SNTG1: variants seen among roughly 807,000 people sequenced by gnomAD.
SNTG1 encodes syntrophin gamma 1, also known as gamma-1-syntrophin.
In SNTG1, 39 loss-of-function variants were observed where a neutral mutation model predicts 74.7. The observed-to-expected ratio is 0.52, with a 90% CI of 0.40 to 0.68. The LOEUF (loss-of-function observed/expected upper bound fraction) is 0.68. Among genes scored for constraint, SNTG1 ranks in the 30% least tolerant of loss-of-function variants. The probability of loss-of-function intolerance (pLI) is 0.00; values close to 1 mark genes in which losing one functional copy is unlikely to be tolerated. For missense variants in SNTG1, 685 were observed against 609.5 expected, an observed-to-expected ratio of 1.12 and a Z score of -1.30; for synonymous variants, 254 against 217.1, an observed-to-expected ratio of 1.17 and a Z score of -1.49.
At chr8:49,958,699 G>A (rs764165243) in intron 1 of SNTG1, among the ~76,000 whole-genome samples, 14 of 152,176 alleles carry the variant, frequency 9.2e-5, no homozygotes, top group South Asian at 2.1e-4. Context: ...GATTACAGGC[G>A]TGAGCCACTA....
intron 2 of SNTG1, among the ~76,000 whole-genome samples, chr8:50,250,321 T>C (rs1474554748): frequency 1.3e-5 from 2 of 151,964 alleles, no homozygotes; most frequent in Non-Finnish European, 2.9e-5. Context: ...GCCTATGTGA[T>C]ATATGGGACT....
At chr8:50,432,767 A>G (rs2093252812) in intron 4 of SNTG1, among the ~76,000 whole-genome samples, 1 of 151,574 alleles carries the variant, frequency 6.6e-6, no homozygotes, top group African/African-American at 2.4e-5. Context: ...TTTATTTTTT[A>G]TTTACATTTT....
chr8:50,181,333 A>T (rs1336548598), intron 2 of SNTG1, among the ~76,000 whole-genome samples: 1 of 152,150 alleles, frequency 6.6e-6, no homozygotes, highest in African/African-American at 2.4e-5. Flanking sequence ...TATTTTCCTA[A>T]TGGAGTTTAT....
At chr8:50,624,175 G>C (rs2094941674) in intron 13 of SNTG1, among the ~76,000 whole-genome samples, 3 of 151,818 alleles carry the variant, frequency 2.0e-5, no homozygotes, top group Admixed American at 6.6e-5. Flanking sequence ...ATATCACAAA[G>C]CTCCTAAAGA....
At chr8:50,422,322 G>C (rs1431108217) in intron 4 of SNTG1, among the ~76,000 whole-genome samples, 1 of 56,326 alleles carries the variant, frequency 1.8e-5, no homozygotes, top group East Asian at 6.7e-4. Context: ...GATTGACCAA[G>C]TAGACAAAAA....
chr8:50,228,094 G>A (rs1330657957), intron 2 of SNTG1, among the ~76,000 whole-genome samples: 1 of 151,610 alleles, frequency 6.6e-6, no homozygotes, highest in Non-Finnish European at 1.5e-5. Context: ...TAGACAGAAG[G>A]TTAATGAAAG....
intron 1 of SNTG1, among the ~76,000 whole-genome samples, chr8:50,075,301 C>T (rs1821755478): frequency 6.6e-6 from 1 of 152,166 alleles, no homozygotes; most frequent in Admixed American, 6.5e-5. Flanking sequence ...ATCCACTAGG[C>T]AAAGCCAGCA....
chr8:50,771,422 A>G (rs2095626852), intron 18 of SNTG1, among the ~76,000 whole-genome samples: 1 of 152,180 alleles, frequency 6.6e-6, no homozygotes, highest in South Asian at 2.1e-4. Flanking sequence ...AACTTCAGGT[A>G]GTAAAGCATT....
At chr8:50,303,910 T>G (rs1056177558) in intron 2 of SNTG1, among the ~76,000 whole-genome samples, 2 of 148,380 alleles carry the variant, frequency 1.3e-5, no homozygotes, top group African/African-American at 4.9e-5. Flanking sequence ...ATTGCCAAGC[T>G]GCTTTCTTCT....
chr8:50,203,979 T>C (rs2084095991), intron 2 of SNTG1, among the ~76,000 whole-genome samples: 2 of 152,118 alleles, frequency 1.3e-5, no homozygotes, highest in Non-Finnish European at 2.9e-5. Flanking sequence ...AACTCTGCTT[T>C]TGTGACCTGT....
At chr8:50,286,702 A>C (rs922865140) in intron 2 of SNTG1, 2 of 152,138 alleles carry the variant, frequency 1.3e-5, no homozygotes, top group African/African-American at 2.4e-5. Flanking sequence ...ACTATGTTAA[A>C]ATTCTGTTGT....
At chr8:49,947,029 G>C (rs1809251903) in intron 1 of SNTG1, among the ~76,000 whole-genome samples, 1 of 152,196 alleles carries the variant, frequency 6.6e-6, no homozygotes, top group South Asian at 2.1e-4. Context: ...GCCAAGTGTG[G>C]TGGCTCATGC....
chr8:50,219,630 G>A (rs1025901466), intron 2 of SNTG1, among the ~76,000 whole-genome samples: 7 of 152,076 alleles, frequency 4.6e-5, no homozygotes, highest in South Asian at 2.1e-4. Flanking sequence ...AGAGAGAAAC[G>A]GGATGTGCTA....
intron 18 of SNTG1, among the ~76,000 whole-genome samples, chr8:50,786,093 G>A (rs775913777): frequency 5.3e-5 from 8 of 152,064 alleles, no homozygotes; most frequent in Admixed American, 1.3e-4. Context: ...GCCAAGGATA[G>A]ATGATACAAA....
At chr8:50,754,301 A>C (rs2095574808) in intron 18 of SNTG1, among the ~76,000 whole-genome samples, 1 of 151,960 alleles carries the variant, frequency 6.6e-6, no homozygotes, top group Non-Finnish European at 1.5e-5. Flanking sequence ...TATAGATAAC[A>C]TTTTATATCC....
intron 13 of SNTG1, among the ~76,000 whole-genome samples, chr8:50,625,390 A>C (rs2094949833): frequency 6.6e-6 from 1 of 152,226 alleles, no homozygotes; most frequent in Admixed American, 6.5e-5. Flanking sequence ...TGCTGTCAGC[A>C]GTTCTGATGA....
rs34349683 is a variant in SNTG1 at position 50,714,058 on chromosome 8, CAA to C, written c.1284+5098_1284+5099del. Among the ~76,000 whole-genome samples the C allele has an allele frequency of 3.4e-3, 356 of 104,892 alleles. 1 individual carries two copies. The highest frequency in any genetic ancestry group is 9.5e-3 in the Middle Eastern group (2 of 210). 68.8% of individuals were successfully genotyped at this position (104,892 alleles called of 152,430 possible). Reference sequence around the variant, plus strand: ...TGGGTGACAGTGTGAGACTCCATTTCAAAAAAAAAAAAAAAAAAAGGTGGGGG... The same window carrying C: ...TGGGTGACAGTGTGAGACTCCATTTCAAAAAAAAAAAAAAAAAGGTGGGGG... On this transcript the variant is annotated intron_variant, in intron 17 of 18. Coordinates refer to ENST00000642720, the MANE Select transcript of SNTG1 (RefSeq NM_018967.5).
chr8:50,487,890 A>C (rs183482691), intron 8 of SNTG1, among the ~76,000 whole-genome samples: 108 of 152,248 alleles, frequency 7.1e-4, no homozygotes, highest in African/African-American at 2.5e-3. Context: ...GGCTTTATCA[A>C]CTTTATTTCT....
intron 1 of SNTG1, among the ~76,000 whole-genome samples, chr8:49,971,530 G>A (rs953764479): frequency 6.6e-6 from 1 of 152,142 alleles, no homozygotes; most frequent in South Asian, 2.1e-4. Flanking sequence ...ATAGGCAGAA[G>A]AAGGAAATAA....
Sources: gnomAD v4.1 joint callset for allele counts (sites outside exome capture counted in the v4.1 genomes callset) on GRCh38, gnomAD v4.1.1 for gene constraint, MANE v1.5 for transcripts, NCBI Gene and HGNC (gene_info 2026-07-23, HGNC 2026-07-21) for gene names.